The following ARMH3 variants were observed in gnomAD, a reference collection of about 807,000 sequenced individuals.
ARMH3 encodes armadillo like helical domain containing 3.
Under a neutral mutation model 99.1 loss-of-function variants are expected in ARMH3, and 60 were observed. That is an observed-to-expected ratio of 0.61 (90% CI 0.49 to 0.75). The LOEUF is 0.75. Ranked by LOEUF, ARMH3 falls within the 30% of genes least tolerant of loss-of-function variation. The pLI, the probability that ARMH3 is intolerant of heterozygous loss-of-function variation, is 0.00. For missense variants in ARMH3, 679 were observed against 843.1 expected, an observed-to-expected ratio of 0.81 and a Z score of 2.41; for synonymous variants, 285 against 292.8, an observed-to-expected ratio of 0.97 and a Z score of 0.27.
In ARMH3 at chr10:102,006,534, G is replaced by A. The variant is rs759587546; in HGVS notation, c.1048+6C>T. 4 of 1,611,542 alleles carry A rather than the reference G, an allele frequency of 2.5e-6. No homozygotes were observed. Among genetic ancestry groups the A allele is most frequent in the African/African-American group, 2.7e-5 (2 of 74,862 alleles). ...ACCAAGAAAAACAAAGTGGTGGTGG[G>A]CTCACCATCAGAGGAAGGCGGTGTG... On this transcript the variant is annotated splice_donor_region_variant and intron_variant, in intron 14 of 25. Transcript: ENST00000370033.
chr10:102,022,694 C>A (rs2066913163), intron 8 of ARMH3, among the ~76,000 whole-genome samples: 1 of 148,278 alleles, frequency 6.7e-6, no homozygotes, highest in Non-Finnish European at 1.5e-5. Flanking sequence ...CATTCTCCTG[C>A]CTCAGCCTCC....
chr10:102,027,820 T>G (rs1255847322), intron 5 of ARMH3, among the ~76,000 whole-genome samples: 2 of 151,738 alleles, frequency 1.3e-5, no homozygotes, highest in East Asian at 1.9e-4. Context: ...TAACTTTTTT[T>G]GTAACCTAAT....
chr10:102,029,076 T>C (rs2067064584), intron 5 of ARMH3, among the ~76,000 whole-genome samples: 1 of 152,140 alleles, frequency 6.6e-6, no homozygotes, highest in Non-Finnish European at 1.5e-5. Flanking sequence ...GGTTTTGCCA[T>C]GTTGCCCACG....
At chr10:101,989,670 G>C (rs748646963) in intron 19 of ARMH3, among the ~76,000 whole-genome samples, 1 of 152,178 alleles carries the variant, frequency 6.6e-6, no homozygotes, top group African/African-American at 2.4e-5. Context: ...GCAGTGAGCC[G>C]AGATCATGCC....
intron 2 of ARMH3, among the ~76,000 whole-genome samples, chr10:102,033,995 G>A (rs1017613700): frequency 6.6e-6 from 1 of 152,120 alleles, no homozygotes; most frequent in African/African-American, 2.4e-5. Context: ...ATTCACATAT[G>A]TGAAATACAA....
At chr10:102,030,465 T>C (rs2067102099) in intron 4 of ARMH3, among the ~76,000 whole-genome samples, 2 of 152,126 alleles carry the variant, frequency 1.3e-5, no homozygotes, top group Non-Finnish European at 2.9e-5. Context: ...TCCCAACACT[T>C]TGGGAGGCTG....
intron 19 of ARMH3, among the ~76,000 whole-genome samples, chr10:101,979,901 T>C (rs1846155966): frequency 6.6e-6 from 1 of 152,212 alleles, no homozygotes; most frequent in African/African-American, 2.4e-5. Context: ...TCTCAGCCCT[T>C]AGAATCCCTA....
At chr10:101,861,535 AGCCTGGCC>A (rs2066868910) in intron 24 of ARMH3, among the ~76,000 whole-genome samples, 1 of 151,860 alleles carries the variant, frequency 6.6e-6, no homozygotes, top group Non-Finnish European at 1.5e-5. Flanking sequence ...GTTTGAGACC[AGCCTGGCC>A]AACAGGGTGA....
At chr10:102,051,153 G>A (rs1473494831) in intron 1 of ARMH3, among the ~76,000 whole-genome samples, 1 of 134,894 alleles carries the variant, frequency 7.4e-6, no homozygotes, top group Admixed American at 8.0e-5. Context: ...GCAAGACTCT[G>A]TCTCAAAAAA....
intron 14 of ARMH3, among the ~76,000 whole-genome samples, chr10:102,005,648 G>T (rs2066467361): frequency 1.3e-5 from 2 of 152,170 alleles, no homozygotes; most frequent in Admixed American, 6.5e-5. Context: ...ACCAAAACAA[G>T]GTCAATCTTT....
chr10:102,044,741 G>A (rs543788711), intron 1 of ARMH3, among the ~76,000 whole-genome samples: 1 of 151,972 alleles, frequency 6.6e-6, no homozygotes, highest in African/African-American at 2.4e-5. Context: ...CAATGTTATA[G>A]CTAGATGCTA....
chr10:101,910,908 G>A (rs554298221), intron 23 of ARMH3, among the ~76,000 whole-genome samples: 7 of 152,032 alleles, frequency 4.6e-5, no homozygotes, highest in African/African-American at 1.7e-4. Context: ...GGGAGGCCAA[G>A]GCGGATGGAC....
chr10:102,055,045 G>C (rs1342810338), intron 1 of ARMH3, among the ~76,000 whole-genome samples: 2 of 151,390 alleles, frequency 1.3e-5, no homozygotes, highest in Admixed American at 1.3e-4. Flanking sequence ...AAAAAGGCCG[G>C]GCGCGGTGGC....
At position 102,049,534 on chromosome 10, in the gene ARMH3, T is replaced by G. The variant is rs937952921; in HGVS notation, c.-12+6551A>C. ...TCCAGCCTGGGGGATAGAGCGAGAC[T>G]CTGTTTCCAAAAAAAAAGAAAGAAA... On this transcript the variant is annotated intron_variant, in intron 1 of 25. Coordinates refer to ENST00000370033, the MANE Select transcript of ARMH3 (RefSeq NM_024541.3). Among the ~76,000 whole-genome samples the G allele has an allele frequency of 6.0e-5, 9 of 150,140 alleles. No homozygotes were observed. In the East Asian group the frequency reaches 1.8e-3, roughly 30 times the overall value.
At chr10:101,928,275 C>G (rs1211247123) in intron 23 of ARMH3, among the ~76,000 whole-genome samples, 1 of 152,158 alleles carries the variant, frequency 6.6e-6, no homozygotes, top group Non-Finnish European at 1.5e-5. Context: ...AGACTTTACA[C>G]AGGGTGAGGC....
At chr10:102,026,722 T>A (rs2136182986) in intron 5 of ARMH3, among the ~76,000 whole-genome samples, 1 of 152,082 alleles carries the variant, frequency 6.6e-6, no homozygotes, top group East Asian at 1.9e-4. Flanking sequence ...AACTAGGGAG[T>A]TTGGTCTTTA....
At chr10:102,020,790 T>C (rs1030829985) in intron 8 of ARMH3, among the ~76,000 whole-genome samples, 2 of 149,910 alleles carry the variant, frequency 1.3e-5, no homozygotes, top group African/African-American at 2.5e-5. Flanking sequence ...GAGGCAGAGA[T>C]TGCAGTGAGA....
intron 24 of ARMH3, among the ~76,000 whole-genome samples, chr10:101,880,009 C>G (rs1031311100): frequency 1.3e-4 from 20 of 152,212 alleles, no homozygotes; most frequent in Non-Finnish European, 2.2e-4. Context: ...TTTCTGCAAA[C>G]AGGTCAGCTG....
intron 22 of ARMH3, among the ~76,000 whole-genome samples, chr10:101,944,254 A>ATATATATTTATATT (rs1227639719): frequency 1.7e-5 from 1 of 58,560 alleles, no homozygotes; most frequent in Admixed American, 2.0e-4. Context: ...ATATATATAT[A>ATATATATTTATATT]TATATATATA....
Sources: allele counts gnomAD v4.1 joint callset (sites outside exome capture counted in the v4.1 genomes callset), GRCh38; gene constraint gnomAD v4.1.1; transcripts MANE v1.5; gene names NCBI Gene and HGNC (gene_info 2026-07-23, HGNC 2026-07-21).